Variants in ITFG1 observed in about 807,000 individuals in gnomAD.
ITFG1 encodes the protein T-cell immunomodulatory protein.
ITFG1 carries 34 observed loss-of-function variants against 81.8 expected under a neutral mutation model. The observed-to-expected ratio is 0.42, with a 90% CI of 0.32 to 0.55. The LOEUF (loss-of-function observed/expected upper bound fraction) is 0.55, where lower values mean the gene tolerates loss of function less well. ITFG1 is among the 20% of genes least tolerant of loss of function. The probability of loss-of-function intolerance (pLI) is 0.17; values close to 1 mark genes in which losing one functional copy is unlikely to be tolerated. For synonymous variants in ITFG1, 285 were observed against 270.6 expected, an observed-to-expected ratio of 1.05 and a Z score of -0.52; for missense variants, 672 against 755.4, an observed-to-expected ratio of 0.89 and a Z score of 1.29.
intron 14 of ITFG1, among the ~76,000 whole-genome samples, chr16:47,188,214 A>C (rs1230392514): frequency 6.6e-6 from 1 of 151,848 alleles, no homozygotes; most frequent in Non-Finnish European, 1.5e-5. Flanking sequence ...GCGATTCCTC[A>C]GGGATCTAGA....
At chr16:47,371,913 CTTT>C (rs367779096) in intron 7 of ITFG1, among the ~76,000 whole-genome samples, 1 of 143,186 alleles carries the variant, frequency 7.0e-6, no homozygotes, top group Non-Finnish European at 1.5e-5. Flanking sequence ...GCCACTCTCT[CTTT>C]TTTTTTTTTT....
chr16:47,223,746 C>A (rs975336148), intron 13 of ITFG1, among the ~76,000 whole-genome samples: 1 of 152,140 alleles, frequency 6.6e-6, no homozygotes, highest in Non-Finnish European at 1.5e-5. Flanking sequence ...AATCATGCTG[C>A]TATAAAGACA....
chr16:47,183,866 G>A (rs1965169757), intron 14 of ITFG1, among the ~76,000 whole-genome samples: 1 of 152,016 alleles, frequency 6.6e-6, no homozygotes, highest in African/African-American at 2.4e-5. Flanking sequence ...TCAAACCAAA[G>A]GCAAAGAAGT....
intron 14 of ITFG1, among the ~76,000 whole-genome samples, chr16:47,194,105 C>G (rs1338853727): frequency 6.6e-6 from 1 of 152,022 alleles, no homozygotes; most frequent in Admixed American, 6.6e-5. Context: ...GTTACATTTC[C>G]CATTATGTTG....
chr16:47,235,337 A>G (rs1318565810), intron 13 of ITFG1, among the ~76,000 whole-genome samples: 1 of 152,186 alleles, frequency 6.6e-6, no homozygotes, highest in Admixed American at 6.5e-5. Flanking sequence ...CTGGGCTGAT[A>G]CAGGTCAAGA....
At chr16:47,346,941 C>A (rs576671277) in intron 8 of ITFG1, among the ~76,000 whole-genome samples, 62 of 152,244 alleles carry the variant, frequency 4.1e-4, no homozygotes, top group Non-Finnish European at 8.5e-4. Context: ...TCAAAACCAG[C>A]CCAGGACACA....
chr16:47,264,296 T>G (rs994123535), intron 10 of ITFG1, among the ~76,000 whole-genome samples: 2 of 152,116 alleles, frequency 1.3e-5, no homozygotes, highest in Non-Finnish European at 2.9e-5. Flanking sequence ...ATATTTTTCT[T>G]TCCACTACAT....
At chr16:47,446,424 A>G (rs139397040) in intron 5 of ITFG1, among the ~76,000 whole-genome samples, 21 of 152,360 alleles carry the variant, frequency 1.4e-4, no homozygotes, top group East Asian at 1.2e-3. Context: ...AAGAGAAAAC[A>G]TGAAGATTTC....
intron 6 of ITFG1, among the ~76,000 whole-genome samples, chr16:47,398,207 C>T (rs1215588228): frequency 1.3e-5 from 2 of 152,064 alleles, no homozygotes; most frequent in Non-Finnish European, 2.9e-5. Flanking sequence ...ATATGAAAAA[C>T]TTTAATTTCC....
At chr16:47,299,223 T>G (rs541436834) in intron 10 of ITFG1, among the ~76,000 whole-genome samples, 1 of 152,198 alleles carries the variant, frequency 6.6e-6, no homozygotes, top group Non-Finnish European at 1.5e-5. Flanking sequence ...ACTTATAGGA[T>G]GAAACTGTAT....
At chr16:47,333,491 A>C (rs1967663059) in intron 8 of ITFG1, among the ~76,000 whole-genome samples, 1 of 152,232 alleles carries the variant, frequency 6.6e-6, no homozygotes, top group South Asian at 2.1e-4. Flanking sequence ...ATGCCCTTAA[A>C]TATGACTTTT....
At position 47,411,858 on chromosome 16, in the gene ITFG1, C is replaced by T. The variant is rs191658127; in HGVS notation, c.655+16946G>A. ...CAAATGTAGTCAAACACAAAAGAGG[C>T]GCACTGCTGAGTAAGTTTACCTGCT... On this transcript the variant is annotated intron_variant, in intron 6 of 17. Coordinates refer to ENST00000320640, the MANE Select transcript of ITFG1 (RefSeq NM_030790.5). Among the ~76,000 whole-genome samples, 8 of 152,256 alleles carry T rather than the reference C, an allele frequency of 5.3e-5. No individual in the cohort carries two copies. The South Asian group carries it at 6.2e-4, about 12-fold the overall frequency.
chr16:47,422,474 AGGC>A (rs1240738730), intron 6 of ITFG1, among the ~76,000 whole-genome samples: 4 of 152,184 alleles, frequency 2.6e-5, no homozygotes, highest in Non-Finnish European at 5.9e-5. Context: ...TGTCTCTGCC[AGGC>A]TTTGGTATCA....
chr16:47,332,534 A>C (rs1391864408), intron 8 of ITFG1, among the ~76,000 whole-genome samples: 3 of 152,192 alleles, frequency 2.0e-5, no homozygotes, highest in African/African-American at 4.8e-5. Context: ...AATCCTTTTA[A>C]TTTAAATAAT....
intron 6 of ITFG1, among the ~76,000 whole-genome samples, chr16:47,390,001 A>G (rs1968510633): frequency 6.6e-6 from 1 of 152,252 alleles, no homozygotes; most frequent in Non-Finnish European, 1.5e-5. Context: ...AGACTGGACA[A>G]AAAATGCCTA....
intron 6 of ITFG1, among the ~76,000 whole-genome samples, chr16:47,414,983 A>G (rs944418833): frequency 6.6e-5 from 10 of 152,208 alleles, no homozygotes; most frequent in Admixed American, 2.0e-4. Context: ...TCTAGGGACA[A>G]ATTGAAACTG....
intron 8 of ITFG1, among the ~76,000 whole-genome samples, chr16:47,326,783 C>T (rs1967551881): frequency 6.6e-6 from 1 of 152,250 alleles, no homozygotes; most frequent in African/African-American, 2.4e-5. Flanking sequence ...TGAAGGACCT[C>T]TTCAAGGAGA....
intron 8 of ITFG1, among the ~76,000 whole-genome samples, chr16:47,340,251 TG>T (rs536841267): frequency 1.6e-3 from 239 of 152,264 alleles, no homozygotes; most frequent in African/African-American, 5.3e-3. Context: ...AGCATATACC[TG>T]GGCAAGTATA....
chr16:47,277,657 G>C (rs28512495), intron 10 of ITFG1, among the ~76,000 whole-genome samples: 1,870 of 152,252 alleles, frequency 0.012, 45 homozygotes, highest in African/African-American at 0.043. Flanking sequence ...ATGCAATATA[G>C]TAAGAACTAT....
Sources: allele counts gnomAD v4.1 joint callset (sites outside exome capture counted in the v4.1 genomes callset), GRCh38; gene constraint gnomAD v4.1.1; transcripts MANE v1.5; gene names NCBI Gene and HGNC (gene_info 2026-07-23, HGNC 2026-07-21).